DPEP1: variants seen among roughly 807,000 people sequenced by gnomAD.
DPEP1 encodes the protein beta-lactamase.
Under a neutral mutation model 42.3 loss-of-function variants are expected in DPEP1, and 50 were observed. The observed-to-expected ratio is 1.18, with a 90% CI of 0.94 to 1.50. The LOEUF is 1.50. DPEP1 is among the 40% of genes most tolerant of loss of function. The probability of loss-of-function intolerance (pLI) is 0.00; values close to 1 mark genes in which losing one functional copy is unlikely to be tolerated. For missense variants in DPEP1, 663 were observed against 553.0 expected (o/e 1.20, Z -1.99); for synonymous variants, 297 against 234.0 (o/e 1.27, Z -2.46).
chr16:89,636,324 G>C lies in DPEP1; in HGVS notation c.298G>C (p.Glu100Gln), dbSNP rs2059678369. The change falls in exon 4 of 11, where the codon GAG (glutamate) becomes CAG (glutamine). Residue 100 changes from glutamate to glutamine, a missense_variant. Physicochemically the swap from Glu to Gln is conservative, Grantham distance 29. Transcript: ENST00000690203. ...QNKDAVRRTL[E>Q]QMDVVHRMCR... ...CAAAGACGCCGTGCGGAGGACGCTG[G>C]AGCAGATGGACGTGGTCCACCGCAT... is the stretch of plus-strand genomic sequence containing the variant. The C allele has an allele frequency of 6.2e-7, 1 of 1,612,440 alleles. No individual in the cohort carries two copies. Among genetic ancestry groups the C allele is most frequent in the Admixed American group, 1.7e-5 (1 of 59,966 alleles).
chr16:89,636,287 C>A lies in DPEP1; in HGVS notation c.261C>A (p.Cys87Ter), dbSNP rs199523301. The A allele has an allele frequency of 3.7e-6, 6 of 1,610,544 alleles. No individual in the cohort carries two copies. In the South Asian group the frequency reaches 4.4e-5, roughly 12 times the overall value. The change falls in exon 4 of 11, where the codon TGC becomes TGA. Residue 87 changes from cysteine to a stop codon, truncating the protein, a stop_gained. Coordinates refer to ENST00000690203, the MANE Select transcript of DPEP1 (RefSeq NM_001389466.1). LOFTEE classifies it high-confidence loss of function. The part of the protein sequence containing the change: ...GGQFWSVYTP[C>*]DTQNKDAVRR... ...AGTTCTGGTCCGTGTACACGCCCTGCGACACCCAGAACAAAGACGCCGTGC... is the reference window on the plus strand; with the variant it reads ...AGTTCTGGTCCGTGTACACGCCCTGAGACACCCAGAACAAAGACGCCGTGC...
chr16:89,638,798 CCCACCCCTGCACACACACA>C (rs2059718346), downstream of DPEP1, among the ~76,000 whole-genome samples: 1 of 85,446 alleles, frequency 1.2e-5, no homozygotes, highest in East Asian at 4.0e-4. Context: ...ACGCACACCC[CCCACCCCTGCACACACACA>C]CCCCACCCCT....
chr16:89,631,531 C>T (rs969309455), intron 2 of DPEP1, among the ~76,000 whole-genome samples: 3 of 152,142 alleles, frequency 2.0e-5, no homozygotes, highest in African/African-American at 7.2e-5. Context: ...GTGAAAAAAG[C>T]AGGGAAACCC....
At chr16:89,625,784 C>T (rs1421201530) in intron 1 of DPEP1, among the ~76,000 whole-genome samples, 1 of 152,222 alleles carries the variant, frequency 6.6e-6, no homozygotes, top group Non-Finnish European at 1.5e-5. Flanking sequence ...TACCTTTGTG[C>T]TCACAGCAGG....
downstream of DPEP1, among the ~76,000 whole-genome samples, chr16:89,640,102 C>G (rs1173296809): frequency 6.6e-6 from 1 of 152,210 alleles, no homozygotes; most frequent in African/African-American, 2.4e-5. Flanking sequence ...CTGCCCAGCA[C>G]CAGGTCCTCC....
chr16:89,628,570 T>C (rs2059546741), intron 1 of DPEP1, among the ~76,000 whole-genome samples: 1 of 151,928 alleles, frequency 6.6e-6, no homozygotes, highest in African/African-American at 2.4e-5. Flanking sequence ...CAAAGGGTAT[T>C]TCTTTATAGC....
intron 2 of DPEP1, among the ~76,000 whole-genome samples, chr16:89,634,127 C>T (rs556619225): frequency 2.4e-4 from 35 of 144,012 alleles, no homozygotes; most frequent in Non-Finnish European, 4.5e-4. Flanking sequence ...CTCGCTCTGT[C>T]GCCCAGGCTG....
At chr16:89,627,057 C>T (rs574349458) in intron 1 of DPEP1, among the ~76,000 whole-genome samples, 1 of 147,390 alleles carries the variant, frequency 6.8e-6, no homozygotes, top group Non-Finnish European at 1.5e-5. Flanking sequence ...GTCAGGAGAT[C>T]GAGACCATCC....
rs2059627830 is a variant in DPEP1, at chr16:89,634,106, T to TTTTTTTTTTG, written c.105-1801_105-1800insTTTTTTTTGT. Among the ~76,000 whole-genome samples, 2 of 149,126 alleles carry TTTTTTTTTTG rather than the reference T, an allele frequency of 1.3e-5. 1 individual carries two copies. The highest frequency in any genetic ancestry group is 3.0e-5 in the Non-Finnish European group (2 of 67,202). On this transcript the variant is annotated intron_variant, in intron 2 of 10. Coordinates refer to ENST00000690203, the MANE Select transcript of DPEP1 (RefSeq NM_001389466.1). ...TTCTCTTCTTCTTTTTTTTTTTTTT[T>TTTTTTTTTTG]TGGAGGGAGTCTCGCTCTGTCGCCC...
chr16:89,615,376 C>G (rs911977047), intron 1 of DPEP1, among the ~76,000 whole-genome samples: 2 of 152,164 alleles, frequency 1.3e-5, no homozygotes, highest in African/African-American at 4.8e-5. Context: ...TGGTGCTGGT[C>G]TACACGCAGC....
intron 1 of DPEP1, among the ~76,000 whole-genome samples, chr16:89,615,386 C>T (rs1422373742): frequency 6.6e-6 from 1 of 152,198 alleles, no homozygotes; most frequent in African/African-American, 2.4e-5. Context: ...CTACACGCAG[C>T]TCTGGAGTCT....
intron 2 of DPEP1, among the ~76,000 whole-genome samples, chr16:89,632,208 C>G (rs1000132061): frequency 6.6e-6 from 1 of 152,160 alleles, no homozygotes; most frequent in African/African-American, 2.4e-5. Context: ...CGCCACCAAG[C>G]CCGGCTAATT....
At chr16:89,624,922 G>C (rs2059489321) in intron 1 of DPEP1, among the ~76,000 whole-genome samples, 1 of 152,148 alleles carries the variant, frequency 6.6e-6, no homozygotes, top group South Asian at 2.1e-4. Flanking sequence ...AAAGGCTGAG[G>C]TAAACTGGTG....
chr16:89,631,495 C>T (rs924078635), intron 2 of DPEP1, among the ~76,000 whole-genome samples: 9 of 152,190 alleles, frequency 5.9e-5, no homozygotes, highest in African/African-American at 1.9e-4. Context: ...CTGGAAAATG[C>T]CTCTGGGCTT....
intron 8 of DPEP1, 21 bp downstream of exon 8, chr16:89,637,573 C>CAAGGGGGCCG (rs1293198252): frequency 6.2e-7 from 1 of 1,612,796 alleles, no homozygotes; most frequent in Admixed American, 1.7e-5. Context: ...TGTGAGCGGC[C>CAAGGGGGCCG]AAGGGGGCCG....
At chr16:89,625,690 A>T (rs1379985219) in intron 1 of DPEP1, among the ~76,000 whole-genome samples, 1 of 152,190 alleles carries the variant, frequency 6.6e-6, no homozygotes, top group Non-Finnish European at 1.5e-5. Flanking sequence ...AGGCAACTGG[A>T]AACTCTGGGA....
At chr16:89,616,253 T>C (rs1266525006) in intron 1 of DPEP1, among the ~76,000 whole-genome samples, 1 of 151,970 alleles carries the variant, frequency 6.6e-6, no homozygotes, top group Non-Finnish European at 1.5e-5. Flanking sequence ...AGGTAGCCAG[T>C]GTCGACGAAA....
Position 89,638,048 on chromosome 16 carries a change from C to G in DPEP1, c.1066-4C>G. Reference sequence around the variant, plus strand: ...CTGCCCCACCCGTGTCTGTCTGTCCCCAGGCCAGCAACCTCACACAGGCTC... The same window carrying G: ...CTGCCCCACCCGTGTCTGTCTGTCCGCAGGCCAGCAACCTCACACAGGCTC... On this transcript the variant is annotated splice_region_variant and splice_polypyrimidine_tract_variant and intron_variant, in intron 10 of 10. Transcript: ENST00000690203. 3 of 1,611,956 alleles carry G rather than the reference C, an allele frequency of 1.9e-6. No homozygotes were observed. Among genetic ancestry groups the G allele is most frequent in the South Asian group, 1.1e-5 (1 of 90,986 alleles).
At chr16:89,614,663 C>A (rs183439669) in intron 1 of DPEP1, among the ~76,000 whole-genome samples, 1 of 152,106 alleles carries the variant, frequency 6.6e-6, no homozygotes, top group Non-Finnish European at 1.5e-5. Context: ...GGCGTGGTGG[C>A]GGGCGCCTGT....
Sources: gnomAD v4.1 joint callset for allele counts (sites outside exome capture counted in the v4.1 genomes callset) on GRCh38, gnomAD v4.1.1 for gene constraint, MANE v1.5 for transcripts, NCBI Gene and HGNC (gene_info 2026-07-23, HGNC 2026-07-21) for gene names.